The following MACROD2 variants were observed in gnomAD, a reference collection of about 807,000 sequenced individuals.
The protein encoded by MACROD2 is ADP-ribose glycohydrolase MACROD2.
MACROD2 carries 36 observed loss-of-function variants against 70.4 expected under a neutral mutation model. That is an observed-to-expected ratio of 0.51 (90% CI 0.39 to 0.68). The LOEUF (loss-of-function observed/expected upper bound fraction) is 0.68, where lower values mean the gene tolerates loss of function less well. MACROD2 is among the 30% of genes least tolerant of loss of function. The pLI is 0.00. For missense variants in MACROD2, 496 were observed against 538.4 expected (o/e 0.92, Z 0.78); for synonymous variants, 172 against 178.8 (o/e 0.96, Z 0.30).
chr20:15,029,508 G>T (rs980064909), intron 5 of MACROD2, among the ~76,000 whole-genome samples: 1 of 152,092 alleles, frequency 6.6e-6, no homozygotes, highest in Admixed American at 6.5e-5. Context: ...CAACTTTTCC[G>T]ATGAGGCTGA....
chr20:15,727,858 A>T (rs1302022325), intron 8 of MACROD2, among the ~76,000 whole-genome samples: 1 of 152,138 alleles, frequency 6.6e-6, no homozygotes, highest in East Asian at 1.9e-4. Flanking sequence ...GTATAGAGTC[A>T]TATATTTTGC....
At chr20:15,881,647 C>T (rs111632943) in intron 9 of MACROD2, among the ~76,000 whole-genome samples, 23 of 152,198 alleles carry the variant, frequency 1.5e-4, no homozygotes, top group African/African-American at 4.3e-4. Flanking sequence ...AATGTGCCTA[C>T]GTCTTAGTAG....
At chr20:15,199,085 T>A (rs1255839984) in intron 5 of MACROD2, among the ~76,000 whole-genome samples, 5 of 151,220 alleles carry the variant, frequency 3.3e-5, no homozygotes, top group African/African-American at 1.2e-4. Context: ...TAATCTGCAC[T>A]GTAGGCCAAG....
chr20:15,126,296 G>A (rs2123263143), intron 5 of MACROD2, among the ~76,000 whole-genome samples: 1 of 151,906 alleles, frequency 6.6e-6, no homozygotes, highest in South Asian at 2.1e-4. Flanking sequence ...CACAGTAGGT[G>A]CATCAGCAGC....
chr20:14,126,780 G>T (rs1015438364), intron 3 of MACROD2, among the ~76,000 whole-genome samples: 15 of 152,066 alleles, frequency 9.9e-5, no homozygotes, highest in African/African-American at 3.6e-4. Context: ...CATTGTAACT[G>T]TTTTGGGGTA....
At chr20:14,237,402 GA>G (rs2081886155) in intron 3 of MACROD2, among the ~76,000 whole-genome samples, 1 of 151,634 alleles carries the variant, frequency 6.6e-6, no homozygotes, top group African/African-American at 2.4e-5. Flanking sequence ...TGAGACAAAT[GA>G]TTCATCTTTT....
chr20:14,021,641 C>G (rs1174185071), intron 2 of MACROD2, among the ~76,000 whole-genome samples: 1 of 152,058 alleles, frequency 6.6e-6, no homozygotes, highest in Non-Finnish European at 1.5e-5. Flanking sequence ...CACTATTTTC[C>G]TTGAACTTAA....
At chr20:14,540,771 C>A (rs908616713) in intron 4 of MACROD2, among the ~76,000 whole-genome samples, 3 of 152,146 alleles carry the variant, frequency 2.0e-5, no homozygotes, top group African/African-American at 4.8e-5. Flanking sequence ...CTATCAGCAC[C>A]CTTAGAGAGG....
chr20:14,434,451 A>G (rs1380987213), intron 3 of MACROD2, among the ~76,000 whole-genome samples: 2 of 135,080 alleles, frequency 1.5e-5, no homozygotes, highest in East Asian at 2.9e-4. Context: ...CTTCAGTTCT[A>G]CACTCTCATA....
At position 14,946,055 on chromosome 20, in the gene MACROD2, C is replaced by T. The variant is rs1031554395; in HGVS notation, c.418+261096C>T. Among the ~76,000 whole-genome samples, 14 of 152,050 alleles carry T rather than the reference C, an allele frequency of 9.2e-5. 1 individual carries two copies. The highest frequency in any genetic ancestry group is 5.9e-4 in the Admixed American group (9 of 15,258). ...AAACCCTGTCTCTACTAAAATTAGC[C>T]GGGCATATTGGCGAGTGCCTGTAAT... is the stretch of plus-strand genomic sequence containing the variant. On this transcript the variant is annotated intron_variant, in intron 5 of 17. Transcript: ENST00000684519.
intron 5 of MACROD2, among the ~76,000 whole-genome samples, chr20:14,984,801 G>A (rs173295): frequency 0.021 from 3,272 of 152,188 alleles, 66 homozygotes; most frequent in Admixed American, 0.047. Context: ...GGGGCATCTC[G>A]TCTGAGGAAC....
intron 5 of MACROD2, among the ~76,000 whole-genome samples, chr20:14,769,373 C>T (rs1462794115): frequency 6.6e-6 from 1 of 152,128 alleles, no homozygotes; most frequent in South Asian, 2.1e-4. Context: ...TTGTACTACA[C>T]TTATTTACTT....
intron 5 of MACROD2, among the ~76,000 whole-genome samples, chr20:15,032,396 C>A (rs1016970449): frequency 6.6e-6 from 1 of 152,246 alleles, no homozygotes; most frequent in Non-Finnish European, 1.5e-5. Context: ...GCAGCGGACG[C>A]TCCAGATGGG....
chr20:14,787,880 A>G (rs921139434), intron 5 of MACROD2, among the ~76,000 whole-genome samples: 10 of 152,106 alleles, frequency 6.6e-5, no homozygotes, highest in African/African-American at 2.4e-4. Flanking sequence ...GCATTCTTGG[A>G]CCACAGGATT....
At chr20:15,758,345 T>C (rs1231392396) in intron 8 of MACROD2, among the ~76,000 whole-genome samples, 2 of 151,228 alleles carry the variant, frequency 1.3e-5, no homozygotes, top group African/African-American at 4.9e-5. Flanking sequence ...TTCCAGCCAT[T>C]CTCCTGCCTC....
In MACROD2 at chr20:14,368,309, T is replaced by C. The variant is rs977793551; in HGVS notation, c.272-125170T>C. Among the ~76,000 whole-genome samples the C allele has an allele frequency of 9.2e-5, 14 of 152,252 alleles. No homozygotes were observed. In the East Asian group the frequency reaches 2.7e-3, roughly 29 times the overall value. ...GGCTCACGCCTGTAATTGCAGCACT[T>C]TGGGAGGCCGAGGTGGGCGGATCAT... On this transcript the variant is annotated intron_variant, in intron 3 of 17. Coordinates refer to ENST00000684519, the MANE Select transcript of MACROD2 (RefSeq NM_001351661.2).
chr20:15,578,488 C>T (rs956179034), intron 8 of MACROD2, among the ~76,000 whole-genome samples: 2 of 67,430 alleles, frequency 3.0e-5, no homozygotes, highest in African/African-American at 6.6e-5. Context: ...TAGTGCCTGG[C>T]AAGAGCTCAG....
chr20:14,501,999 A>G (rs2084919918), intron 4 of MACROD2, among the ~76,000 whole-genome samples: 1 of 152,220 alleles, frequency 6.6e-6, no homozygotes, highest in Non-Finnish European at 1.5e-5. Context: ...TAAAGGTAAA[A>G]TCTTTTTAAA....
intron 3 of MACROD2, among the ~76,000 whole-genome samples, chr20:14,468,404 T>A (rs1222506090): frequency 1.3e-5 from 2 of 151,708 alleles, no homozygotes; most frequent in African/African-American, 2.4e-5. Context: ...TCGTTTAAAG[T>A]CTGTTTTATC....
Sources: gnomAD v4.1 joint callset for allele counts (sites outside exome capture counted in the v4.1 genomes callset) on GRCh38, gnomAD v4.1.1 for gene constraint, MANE v1.5 for transcripts, NCBI Gene and HGNC (gene_info 2026-07-23, HGNC 2026-07-21) for gene names.